Variants in F13B observed in about 807,000 individuals in gnomAD.
The protein encoded by F13B is TGase.
F13B carries 58 observed loss-of-function variants against 79.8 expected under a neutral mutation model. The observed-to-expected ratio is 0.73, with a 90% confidence interval of 0.59 to 0.90. The LOEUF (loss-of-function observed/expected upper bound fraction) is 0.90. Among genes scored for constraint, F13B ranks in the 40% least tolerant of loss-of-function variants. F13B has a pLI of 0.00. For synonymous variants in F13B, 283 were observed against 260.3 expected (o/e 1.09, Z -0.84); for missense variants, 773 against 777.0 (o/e 0.99, Z 0.06).
At position 197,055,841 on chromosome 1, in the gene F13B, C is replaced by T. The variant is rs144134146; in HGVS notation, c.1228G>A (p.Gly410Arg). 2.7e-4 allele frequency: 440 copies of T among 1,613,452 alleles called. 2 individuals are homozygous for T. The highest frequency in any genetic ancestry group is 4.7e-4 in the African/African-American group (35 of 74,950). Residue 410 changes from glycine to arginine, a missense_variant, in exon 8 of 12, where the codon GGG (glycine) becomes AGG (arginine). Gly to Arg is a moderately radical substitution (Grantham distance 125, BLOSUM62 -2). Transcript: ENST00000367412. ...PVVMNGAVADGILASYATGSS... is the reference protein window; with the variant it reads ...PVVMNGAVADRILASYATGSS... ...CCTGTTGCATAGCTTGCCAATATCC[C>T]GTCTGCAACAGCCCCATTCATTACA... is the stretch of plus-strand genomic sequence containing the variant.
intron 2 of F13B, among the ~76,000 whole-genome samples, chr1:197,062,221 C>A (rs1222547059): frequency 6.6e-6 from 1 of 152,002 alleles, no homozygotes; most frequent in Non-Finnish European, 1.5e-5. Flanking sequence ...CCACAATAGC[C>A]ATATTCAACA....
At position 197,050,750 on chromosome 1, in the gene F13B, G is replaced by T. The variant is rs773338433; in HGVS notation, c.1685C>A (p.Ser562Tyr). Reference protein sequence around the residue: ...RCFDHHFLEGSREAYCLDGMW... With the variant: ...RCFDHHFLEGYREAYCLDGMW... ...TCCATCTAAACAATAGGCCTCCCTA[G>T]ATCCTTCTAGGAAATGGTGATCAAA... The change falls in exon 10 of 12, where the codon TCT (serine) becomes TAT (tyrosine). Residue 562 changes from serine (S) to tyrosine (Y), a missense_variant. Coordinates refer to ENST00000367412, the MANE Select transcript of F13B (RefSeq NM_001994.3). 3.7e-6 allele frequency: 6 copies of T among 1,613,204 alleles called. No individual in the cohort carries two copies. The highest frequency in any genetic ancestry group is 5.1e-6 in the Non-Finnish European group (6 of 1,179,606).
In F13B at chr1:197,060,391, C is replaced by A. The variant is rs767173907; in HGVS notation, c.780G>T (p.Trp260Cys). ...CTTCGCATACAGGAGATTCTGGGTA[C>A]CAACCAAAGTTATAGCATTGAATTA... ...SDLIQCYNFG[W>C]YPESPVCEGR... Residue 260 changes from tryptophan to cysteine, a missense_variant, in exon 5 of 12, where the codon TGG becomes TGT. Transcript: ENST00000367412. The A allele has an allele frequency of 4.3e-6, 7 of 1,612,106 alleles. No individual in the cohort carries two copies. In the African/African-American group the frequency reaches 9.4e-5, roughly 22 times the overall value.
chr1:197,061,692 C>A (rs1655868124), intron 3 of F13B, 92 bp downstream of exon 3: 2 of 1,044,138 alleles, frequency 1.9e-6, no homozygotes, highest in Admixed American at 2.2e-5. Context: ...AAAATAAATT[C>A]TATTAAATAA....
intron 8 of F13B, among the ~76,000 whole-genome samples, chr1:197,053,907 T>C (rs1402114418): frequency 1.3e-5 from 2 of 152,074 alleles, no homozygotes; most frequent in Middle Eastern, 3.4e-3. Context: ...ATTCTTGGCT[T>C]GTTTGTGGAA....
At chr1:197,052,882 TAA>T in intron 8 of F13B, 48 bp from the exon 9 acceptor site, 1 of 1,458,310 alleles carries the variant, frequency 6.9e-7, no homozygotes, top group South Asian at 1.2e-5. Context: ...CTGACAAATA[TAA>T]AAGTGATATT....
intron 5 of F13B, among the ~76,000 whole-genome samples, chr1:197,060,153 A>G: frequency 6.6e-6 from 1 of 152,062 alleles, no homozygotes; most frequent in East Asian, 1.9e-4. Flanking sequence ...TTTAAAAGAT[A>G]TAGTCATTTA....
intron 10 of F13B, among the ~76,000 whole-genome samples, chr1:197,050,060 T>G (rs1655389049): frequency 6.6e-6 from 1 of 152,010 alleles, no homozygotes; most frequent in African/African-American, 2.4e-5. Flanking sequence ...TAACAACACA[T>G]AGAGGTGAAT....
In F13B at chr1:197,055,731, G is replaced by T; in HGVS notation, c.1338C>A (p.Ser446=). Residue 446 remains serine (S), a synonymous_variant, in exon 8 of 12, where the codon TCC becomes TCA. Transcript: ENST00000367412. ...ISRCEQGKWS[S]PPVCLEPCTV... ...CTTTCTTACCCAAGCAAACAGGTGG[G>T]GATGACCATTTTCCTTGTTCGCAAC... 1 of 1,613,292 alleles carries T rather than the reference G, an allele frequency of 6.2e-7. No individual in the cohort carries two copies. Among genetic ancestry groups the T allele is most frequent in the Non-Finnish European group, 8.5e-7 (1 of 1,179,594 alleles).
chr1:197,060,555 G>T lies in F13B; in HGVS notation c.629-13C>A. Reference sequence around the variant, plus strand: ...GAGCACTTTAATTCTGCAAATAAAAGAATGAATAAAATTACAAACAAATGT... The same window carrying T: ...GAGCACTTTAATTCTGCAAATAAAATAATGAATAAAATTACAAACAAATGT... On this transcript the variant is annotated splice_polypyrimidine_tract_variant and intron_variant, in intron 4 of 11. Coordinates refer to ENST00000367412, the MANE Select transcript of F13B (RefSeq NM_001994.3). The T allele has an allele frequency of 6.6e-7, 1 of 1,524,110 alleles. No homozygotes were observed. The highest frequency in any genetic ancestry group is 9.0e-7 in the Non-Finnish European group (1 of 1,106,674). The allele number at this position is 1,524,110 out of a possible 1,614,324, so 94.4% of individuals were successfully genotyped here.
intron 9 of F13B, among the ~76,000 whole-genome samples, chr1:197,052,190 T>C (rs1655465382): frequency 6.6e-6 from 1 of 152,126 alleles, no homozygotes; most frequent in African/African-American, 2.4e-5. Flanking sequence ...CCATCTTGAG[T>C]TAATTTTTGT....
intron 5 of F13B, among the ~76,000 whole-genome samples, chr1:197,059,487 A>C (rs1490822465): frequency 6.6e-6 from 1 of 152,138 alleles, no homozygotes; most frequent in African/African-American, 2.4e-5. Context: ...CCTGCCTGTC[A>C]ATAGACCTTA....
At chr1:197,061,602 G>C (rs1360308466) in intron 3 of F13B, among the ~76,000 whole-genome samples, 182 bp downstream of exon 3, 1 of 152,038 alleles carries the variant, frequency 6.6e-6, no homozygotes, top group Non-Finnish European at 1.5e-5. Flanking sequence ...TGTAGGGATT[G>C]AGAACATTTG....
chr1:197,040,841 A>T (rs1440232886), intron 10 of F13B, 106 bp from the exon 11 acceptor site: 6 of 824,884 alleles, frequency 7.3e-6, no homozygotes, highest in African/African-American at 3.5e-5. Flanking sequence ...AGGACCTTAA[A>T]ATTCTCAGGC....
chr1:197,056,777 C>T (rs1049187322), intron 7 of F13B, among the ~76,000 whole-genome samples: 5 of 152,022 alleles, frequency 3.3e-5, no homozygotes, highest in Admixed American at 2.6e-4. Flanking sequence ...TTAGCACTAG[C>T]GTTCAAAAAA....
rs747707592 is a variant in F13B, at chr1:197,057,068, T to G, written c.1116A>C (p.Gly372=). The change falls in exon 7 of 12, where the codon GGA becomes GGC. Residue 372 remains glycine (G), a synonymous_variant. Transcript: ENST00000367412. ...YACKSGYLLH[G]SNEITCNRGK... is the part of the protein sequence containing the mutation. ...CACGATTACAAGTTATCTCATTCGATCCATGGAGAAGGTAGCCGCTTTTAC... is the reference window on the plus strand; with the variant it reads ...CACGATTACAAGTTATCTCATTCGAGCCATGGAGAAGGTAGCCGCTTTTAC... 1.2e-6 allele frequency: 2 copies of G among 1,613,824 alleles called. No homozygotes were observed. Among genetic ancestry groups the G allele is most frequent in the Non-Finnish European group, 1.7e-6 (2 of 1,179,896 alleles).
chr1:197,044,876 A>C (rs1279638739), intron 10 of F13B, among the ~76,000 whole-genome samples: 1 of 152,184 alleles, frequency 6.6e-6, no homozygotes, highest in Admixed American at 6.5e-5. Flanking sequence ...GCACAACTAC[A>C]TGGAAACTGA....
intron 10 of F13B, among the ~76,000 whole-genome samples, chr1:197,048,524 T>C (rs1240828257): frequency 1.3e-5 from 2 of 152,012 alleles, no homozygotes; most frequent in African/African-American, 4.8e-5. Flanking sequence ...AGCATTACTA[T>C]ATATGAAGGA....
chr1:197,054,641 T>C (rs1655569875), intron 8 of F13B, among the ~76,000 whole-genome samples: 1 of 151,996 alleles, frequency 6.6e-6, no homozygotes, highest in South Asian at 2.1e-4. Context: ...AATTAATTCA[T>C]GTAAAAAAAC....
Sources: gnomAD v4.1 joint callset for allele counts (sites outside exome capture counted in the v4.1 genomes callset) on GRCh38, gnomAD v4.1.1 for gene constraint, MANE v1.5 for transcripts, NCBI Gene and HGNC (gene_info 2026-07-23, HGNC 2026-07-21) for gene names.